The following NMNAT1 variants were observed in gnomAD, a reference collection of about 807,000 sequenced individuals.
The protein encoded by NMNAT1 is nicotinamide/nicotinic acid mononucleotide adenylyltransferase 1.
NMNAT1 carries 11 observed loss-of-function variants against 16.7 expected under a neutral mutation model. That is an observed-to-expected ratio of 0.66 (90% CI 0.41 to 1.09). The LOEUF (loss-of-function observed/expected upper bound fraction) is 1.09. Among genes scored for constraint, NMNAT1 ranks in the 50% least tolerant of loss-of-function variants. The pLI, the probability that NMNAT1 is intolerant of heterozygous loss-of-function variation, is 0.00. For synonymous variants in NMNAT1, 110 were observed against 119.8 expected, an observed-to-expected ratio of 0.92 and a Z score of 0.53; for missense variants, 280 against 332.3, an observed-to-expected ratio of 0.84 and a Z score of 1.22.
chr1:9,982,805 C>A lies in NMNAT1; in HGVS notation c.*104C>A. On this transcript the variant is annotated 3_prime_UTR_variant, in exon 5 of 5. Coordinates refer to ENST00000377205, the MANE Select transcript of NMNAT1 (RefSeq NM_022787.4). Reference sequence around the variant, plus strand: ...TTGTGATCTGTTGCCTAAACTAAAGCTTAAAAGTTTAGTAAAAATCGTCTG... The same window carrying A: ...TTGTGATCTGTTGCCTAAACTAAAGATTAAAAGTTTAGTAAAAATCGTCTG... 1 of 1,250,674 alleles carries A rather than the reference C, an allele frequency of 8.0e-7. No individual in the cohort carries two copies. Among genetic ancestry groups the A allele is most frequent in the Non-Finnish European group, 1.1e-6 (1 of 911,292 alleles). 77.5% of individuals were successfully genotyped at this position (1,250,674 alleles called of 1,614,324 possible). A position where few individuals can be genotyped will look rare whatever the true frequency, so the allele number is the denominator to read the frequency against.
intron 1 of NMNAT1, among the ~76,000 whole-genome samples, chr1:9,968,077 TTTG>T (rs1641595947): frequency 3.4e-5 from 3 of 87,078 alleles, no homozygotes; most frequent in Non-Finnish European, 6.8e-5. Context: ...AGTTTTTTTT[TTTG>T]TTTTTTTTTG....
upstream of NMNAT1, chr1:9,943,166 G>C (rs1165088131): frequency 2.8e-5 from 5 of 176,078 alleles, no homozygotes; most frequent in Non-Finnish European, 6.2e-5. Flanking sequence ...CGTAGGTCCC[G>C]CGGCGGCCGG....
chr1:9,962,610 A>G (rs922937743), intron 1 of NMNAT1, among the ~76,000 whole-genome samples: 5 of 150,886 alleles, frequency 3.3e-5, no homozygotes, highest in African/African-American at 1.2e-4. Context: ...CATTATCTCC[A>G]TTTTACAGAT....
the NMNAT1 span, among the ~76,000 whole-genome samples, chr1:9,995,034 T>C: frequency 8.6e-5 from 13 of 151,958 alleles, no homozygotes; most frequent in African/African-American, 2.4e-5. Flanking sequence ...AGGTGTGAGC[T>C]ACCATGCACG....
chr1:9,970,082 T>C (rs186902073), intron 1 of NMNAT1, among the ~76,000 whole-genome samples: 3 of 152,274 alleles, frequency 2.0e-5, no homozygotes, highest in Admixed American at 1.3e-4. Flanking sequence ...TTTGAAGTTG[T>C]GAGAGAAGAT....
chr1:9,991,022 C>G, the NMNAT1 span, among the ~76,000 whole-genome samples: 8 of 152,014 alleles, frequency 5.3e-5, no homozygotes, highest in Non-Finnish European at 1.0e-4. Flanking sequence ...AATAGATGAC[C>G]CTTGCTCAAG....
At chr1:9,962,776 G>C (rs1641454303) in intron 1 of NMNAT1, among the ~76,000 whole-genome samples, 1 of 147,910 alleles carries the variant, frequency 6.8e-6, no homozygotes, top group South Asian at 2.2e-4. Context: ...CCGCCTCCCG[G>C]GTTCACGCCA....
intron 2 of NMNAT1, among the ~76,000 whole-genome samples, chr1:9,974,365 A>G (rs1641759394): frequency 6.7e-6 from 1 of 149,820 alleles, no homozygotes. Flanking sequence ...AGCTGTGACT[A>G]CAGGCATGCC....
chr1:9,985,840 T>A (rs1340280090), downstream of NMNAT1, among the ~76,000 whole-genome samples: 1 of 152,156 alleles, frequency 6.6e-6, no homozygotes, highest in East Asian at 1.9e-4. Flanking sequence ...TTTTTGTATA[T>A]TCAGTAGAGA....
At chr1:9,952,770 C>G (rs1641147187) in intron 1 of NMNAT1, among the ~76,000 whole-genome samples, 1 of 152,074 alleles carries the variant, frequency 6.6e-6, no homozygotes, top group Non-Finnish European at 1.5e-5. Flanking sequence ...AACTCCTGAC[C>G]TCAGGTGATC....
At chr1:9,959,404 C>T (rs1157210356) in intron 1 of NMNAT1, among the ~76,000 whole-genome samples, 4 of 146,036 alleles carry the variant, frequency 2.7e-5, no homozygotes, top group South Asian at 2.1e-4. Context: ...AAAAAGAGGC[C>T]GGGTGCGGTG....
chr1:9,991,787 G>A, the NMNAT1 span, among the ~76,000 whole-genome samples: 40 of 152,166 alleles, frequency 2.6e-4, no homozygotes, highest in Non-Finnish European at 5.3e-4. Context: ...TGTGGAGTAA[G>A]TGTGTATTAG....
intron 3 of NMNAT1, among the ~76,000 whole-genome samples, chr1:9,979,596 C>T (rs988834807): frequency 1.3e-5 from 2 of 151,988 alleles, no homozygotes; most frequent in Admixed American, 6.6e-5. Flanking sequence ...GTCAGGAGAT[C>T]GAGACCATCC....
upstream of NMNAT1, chr1:9,943,350 T>A (rs977624530): frequency 3.3e-5 from 5 of 152,942 alleles, no homozygotes; most frequent in African/African-American, 9.6e-5. Context: ...CCCGCCTACC[T>A]GAGGGCACTG....
chr1:9,996,321 A>AAAG, the NMNAT1 span, among the ~76,000 whole-genome samples: 5 of 150,374 alleles, frequency 3.3e-5, no homozygotes, highest in Non-Finnish European at 7.4e-5. Flanking sequence ...AAAAAAAAAA[A>AAAG]AAAAAGAAAA....
chr1:9,945,467 G>A (rs540630499), intron 1 of NMNAT1, among the ~76,000 whole-genome samples: 7 of 152,210 alleles, frequency 4.6e-5, no homozygotes, highest in Middle Eastern at 3.4e-3. Context: ...TTGGGAAGCC[G>A]AGGTGGGCGG....
chr1:9,954,377 C>G (rs901953288), intron 1 of NMNAT1, among the ~76,000 whole-genome samples: 8 of 146,860 alleles, frequency 5.4e-5, no homozygotes, highest in Admixed American at 5.3e-4. Flanking sequence ...GCCCAGCTAA[C>G]TTCTTCTATT....
At chr1:9,987,670 T>G (rs1642063190), downstream of NMNAT1, among the ~76,000 whole-genome samples, 1 of 151,572 alleles carries the variant, frequency 6.6e-6, no homozygotes, top group Non-Finnish European at 1.5e-5. Flanking sequence ...TTAAATTAAA[T>G]TAAATTAAAT....
intron 1 of NMNAT1, among the ~76,000 whole-genome samples, chr1:9,949,330 A>G (rs898942078): frequency 1.6e-4 from 24 of 151,322 alleles, no homozygotes; most frequent in African/African-American, 5.8e-4. Context: ...CTAGAAAACA[A>G]TTAGCTGTCA....
Sources: gnomAD v4.1 joint callset for allele counts (sites outside exome capture counted in the v4.1 genomes callset) on GRCh38, gnomAD v4.1.1 for gene constraint, MANE v1.5 for transcripts, NCBI Gene and HGNC (gene_info 2026-07-23, HGNC 2026-07-21) for gene names.